DNAJC5B: variants seen among roughly 807,000 people sequenced by gnomAD.
DNAJC5B encodes DnaJ heat shock protein family (Hsp40) member C5 beta.
A neutral mutation model predicts 24.7 loss-of-function variants in DNAJC5B; 23 were observed. The observed-to-expected ratio is 0.93, with a 90% CI of 0.67 to 1.32. The LOEUF (loss-of-function observed/expected upper bound fraction) is 1.32. DNAJC5B is among the 40% of genes most tolerant of loss of function. The pLI, the probability that DNAJC5B is intolerant of heterozygous loss-of-function variation, is 0.00. For synonymous variants in DNAJC5B, 101 were observed against 90.1 expected, an observed-to-expected ratio of 1.12 and a Z score of -0.68; for missense variants, 238 against 240.8, an observed-to-expected ratio of 0.99 and a Z score of 0.08.
intron 4 of DNAJC5B, among the ~76,000 whole-genome samples, chr8:66,078,107 C>T (rs758104380): frequency 9.9e-5 from 15 of 152,164 alleles, no homozygotes; most frequent in Non-Finnish European, 1.6e-4. Flanking sequence ...GATAATTACA[C>T]ACATCCACCT....
rs1311301511 is a variant in DNAJC5B at position 66,099,923 on chromosome 8, T to C, written c.506-14T>C. ...TGATGAGAGTGTTTATTGCTTTGCT[T>C]TGTTTATTTTTAGATGTGGACTTTC... On this transcript the variant is annotated splice_polypyrimidine_tract_variant and intron_variant, in intron 5 of 5. Transcript: ENST00000276570. 2.5e-6 allele frequency: 4 copies of C among 1,610,506 alleles called. No individual in the cohort carries two copies. The South Asian group carries it at 4.4e-5, about 18-fold the overall frequency.
At chr8:66,096,068 A>G (rs6992434) in intron 5 of DNAJC5B, among the ~76,000 whole-genome samples, 14,988 of 152,208 alleles carry the variant, frequency 0.098, 1,333 homozygotes, top group African/African-American at 0.24. Flanking sequence ...AAGTACTACA[A>G]ACTGGGGGTT....
chr8:66,045,381 G>C (rs1806701138), intron 2 of DNAJC5B, among the ~76,000 whole-genome samples: 1 of 152,198 alleles, frequency 6.6e-6, no homozygotes. Flanking sequence ...TCTGAATATT[G>C]ATCAATGCAT....
At chr8:66,032,660 C>G (rs928718033) in intron 1 of DNAJC5B, among the ~76,000 whole-genome samples, 5 of 152,180 alleles carry the variant, frequency 3.3e-5, no homozygotes, top group Non-Finnish European at 1.5e-5. Context: ...TCCTCAAAAT[C>G]TGCCCATCAA....
In DNAJC5B at chr8:66,080,388, C is replaced by T. The variant is rs1371394661; in HGVS notation, c.345C>T (p.Val115=). ...CTCTGTTTCCCTAGGCCCTGTTTGT[C>T]ATCGTTGGCCTCTTGACGGGCTGCT... ...LSSWWAKALF[V]IVGLLTGCYF... is the part of the protein sequence containing the mutation. The change falls in exon 5 of 6, where the codon GTC becomes GTT. Residue 115 remains valine (V), a synonymous_variant. Coordinates refer to ENST00000276570, the MANE Select transcript of DNAJC5B (RefSeq NM_033105.6). The T allele has an allele frequency of 1.2e-6, 2 of 1,612,404 alleles. No homozygotes were observed. Among genetic ancestry groups the T allele is most frequent in the African/African-American group, 2.7e-5 (2 of 74,896 alleles).
At chr8:66,099,868 A>T in intron 5 of DNAJC5B, 69 bp from the exon 6 acceptor site, 1 of 1,383,912 alleles carries the variant, frequency 7.2e-7, no homozygotes, top group Non-Finnish European at 1.0e-6. Context: ...AAAAATACCT[A>T]TCACTTGCTT....
At chr8:66,049,675 C>T (rs923097388) in intron 2 of DNAJC5B, among the ~76,000 whole-genome samples, 11 of 152,208 alleles carry the variant, frequency 7.2e-5, no homozygotes, top group African/African-American at 2.7e-4. Flanking sequence ...GTAACTGTAA[C>T]TGAATTGTCG....
intron 5 of DNAJC5B, among the ~76,000 whole-genome samples, chr8:66,092,326 A>C (rs1324138715): frequency 6.6e-6 from 1 of 152,148 alleles, no homozygotes; most frequent in Non-Finnish European, 1.5e-5. Flanking sequence ...TCACAGGCCT[A>C]AGCCAGGCAT....
At chr8:66,056,126 G>A (rs916387504) in intron 3 of DNAJC5B, among the ~76,000 whole-genome samples, 4 of 152,140 alleles carry the variant, frequency 2.6e-5, no homozygotes, top group Non-Finnish European at 5.9e-5. Context: ...CCAGGTCACA[G>A]CAGCAGGGCA....
chr8:66,061,606 AGAGAGTGT>A (rs1807082013), intron 3 of DNAJC5B, among the ~76,000 whole-genome samples: 1 of 150,056 alleles, frequency 6.7e-6, no homozygotes, highest in Non-Finnish European at 1.5e-5. Flanking sequence ...AGAGAGAGAG[AGAGAGTGT>A]GTGTGTGTGT....
chr8:66,066,854 G>A (rs1435722305), intron 3 of DNAJC5B, among the ~76,000 whole-genome samples: 2 of 152,142 alleles, frequency 1.3e-5, no homozygotes, highest in Non-Finnish European at 2.9e-5. Flanking sequence ...TACTCCAAAA[G>A]CTATTGAAGT....
At chr8:66,072,495 T>G (rs545311417) in intron 3 of DNAJC5B, among the ~76,000 whole-genome samples, 1 of 152,222 alleles carries the variant, frequency 6.6e-6, no homozygotes, top group Non-Finnish European at 1.5e-5. Flanking sequence ...ATAAAAATAA[T>G]AAGACATAAG....
upstream of DNAJC5B, among the ~76,000 whole-genome samples, chr8:66,018,307 A>T (rs1806013748): frequency 6.6e-6 from 1 of 152,094 alleles, no homozygotes; most frequent in African/African-American, 2.4e-5. Flanking sequence ...TCACGAGGTC[A>T]GGAGTTCAAG....
At chr8:66,042,198 A>G (rs1806625019) in intron 1 of DNAJC5B, among the ~76,000 whole-genome samples, 1 of 152,184 alleles carries the variant, frequency 6.6e-6, no homozygotes. Context: ...GTTTATCAGT[A>G]TATTTCTAGA....
chr8:66,038,021 C>T (rs1461302479), intron 1 of DNAJC5B, among the ~76,000 whole-genome samples: 1 of 152,240 alleles, frequency 6.6e-6, no homozygotes, highest in Non-Finnish European at 1.5e-5. Context: ...GTGACCGCTG[C>T]AGGGTCTACC....
chr8:66,038,699 G>T (rs1172736470), intron 1 of DNAJC5B, among the ~76,000 whole-genome samples: 2 of 152,106 alleles, frequency 1.3e-5, no homozygotes, highest in Admixed American at 1.3e-4. Context: ...TTAAGCTAAC[G>T]TTAGAGACAT....
At chr8:66,041,388 T>C (rs1349994315) in intron 1 of DNAJC5B, among the ~76,000 whole-genome samples, 2 of 152,220 alleles carry the variant, frequency 1.3e-5, no homozygotes, top group Non-Finnish European at 2.9e-5. Flanking sequence ...ATCTGGTACC[T>C]GCTGCAGATT....
At position 66,100,809 on chromosome 8, in the gene DNAJC5B, T is replaced by TGAAG. The variant is rs1294732793; in HGVS notation, c.*780_*783dup. On this transcript the variant is annotated 3_prime_UTR_variant, in exon 6 of 6. Coordinates refer to ENST00000276570, the MANE Select transcript of DNAJC5B (RefSeq NM_033105.6). Reference sequence around the variant, plus strand: ...GCCAGACTAAGGGAAAAAAAACAGATGAAGGGGTAGAACTCTATACTCTAG... The same window carrying TGAAG: ...GCCAGACTAAGGGAAAAAAAACAGATGAAGGAAGGGGTAGAACTCTATACTCTAG... Among the ~76,000 whole-genome samples, 1 of 152,086 alleles carries TGAAG rather than the reference T, an allele frequency of 6.6e-6. No individual in the cohort carries two copies. The highest frequency in any genetic ancestry group is 1.5e-5 in the Non-Finnish European group (1 of 68,018).
chr8:66,020,594 C>CTGTG (rs10526018), upstream of DNAJC5B, among the ~76,000 whole-genome samples: 1,467 of 132,406 alleles, frequency 0.011, 14 homozygotes, highest in Non-Finnish European at 0.016. Flanking sequence ...AATCAATACT[C>CTGTG]TGTGTGTGTG....
Sources: gnomAD v4.1 joint callset for allele counts (sites outside exome capture counted in the v4.1 genomes callset) on GRCh38, gnomAD v4.1.1 for gene constraint, MANE v1.5 for transcripts, NCBI Gene and HGNC (gene_info 2026-07-23, HGNC 2026-07-21) for gene names.